Variants in LIMK2 observed in about 807,000 individuals in gnomAD.
LIMK2 encodes the protein LIM domain kinase 2.
A neutral mutation model predicts 75.7 loss-of-function variants in LIMK2; 35 were observed. That is an observed-to-expected ratio of 0.46 (90% confidence interval 0.35 to 0.61). LIMK2 has a LOEUF of 0.61. Ranked by LOEUF, LIMK2 falls within the 20% of genes least tolerant of loss-of-function variation. The probability of loss-of-function intolerance (pLI) is 0.00; values close to 1 mark genes in which losing one functional copy is unlikely to be tolerated. For synonymous variants in LIMK2, 301 were observed against 319.2 expected, an observed-to-expected ratio of 0.94 and a Z score of 0.61; for missense variants, 623 against 831.0, an observed-to-expected ratio of 0.75 and a Z score of 3.08.
At position 31,273,246 on chromosome 22, in the gene LIMK2, T is replaced by C. The variant is rs537080006; in HGVS notation, c.1559-206T>C. On this transcript the variant is annotated intron_variant, in intron 13 of 15. Transcript: ENST00000331728. ...CGTGCAGTTTCATCCTAGGCAGTGT[T>C]ATGTTATAAGGGCTCTCCAAGGCAG... is the stretch of plus-strand genomic sequence containing the variant. Among the ~76,000 whole-genome samples, 31 of 152,274 alleles carry C rather than the reference T, an allele frequency of 2.0e-4. 2 individuals carry two copies. The highest frequency in any genetic ancestry group is 3.4e-3 in the Middle Eastern group (1 of 294).
At chr22:31,257,725 G>A (rs1056061452) in intron 2 of LIMK2, among the ~76,000 whole-genome samples, 2 of 151,990 alleles carry the variant, frequency 1.3e-5, no homozygotes, top group South Asian at 2.1e-4. Flanking sequence ...AGTCAAGACC[G>A]GTTATTCTTA....
rs569488799 is a variant in LIMK2 at position 31,215,771 on chromosome 22, A to G, written c.16+3347A>G. ...GATTGCGCCTGTGAAAAGCCACCGC[A>G]CTCCAGCCTGGGCTACATAGCAAGA... On this transcript the variant is annotated intron_variant, in intron 1 of 15. Transcript: ENST00000331728. Among the ~76,000 whole-genome samples the G allele has an allele frequency of 2.0e-5, 3 of 152,272 alleles. No homozygotes were observed. The South Asian group carries it at 6.2e-4, about 32-fold the overall frequency.
intron 2 of LIMK2, among the ~76,000 whole-genome samples, chr22:31,227,037 G>A (rs903073934): frequency 1.3e-5 from 2 of 152,238 alleles, no homozygotes; most frequent in African/African-American, 4.8e-5. Flanking sequence ...ATCTTGTTGA[G>A]ATTGAATGAA....
chr22:31,254,143 T>C (rs1174643495), intron 2 of LIMK2, among the ~76,000 whole-genome samples: 1 of 152,234 alleles, frequency 6.6e-6, no homozygotes, highest in African/African-American at 2.4e-5. Flanking sequence ...CTGGCCTGGC[T>C]GTCTCCTGCA....
chr22:31,275,103 C>A (rs377628153), intron 14 of LIMK2, 48 bp from the exon 15 acceptor site: 40 of 1,583,732 alleles, frequency 2.5e-5, no homozygotes, highest in Non-Finnish European at 3.5e-5. Context: ...TGCCAAGTAT[C>A]TGTGGCCTCT....
At chr22:31,228,685 C>G (rs1046844163) in intron 2 of LIMK2, among the ~76,000 whole-genome samples, 1 of 152,270 alleles carries the variant, frequency 6.6e-6, no homozygotes, top group East Asian at 1.9e-4. Flanking sequence ...GTAATCCTAG[C>G]ACTCTGGGAG....
At chr22:31,213,790 T>G (rs1249476087) in intron 1 of LIMK2, among the ~76,000 whole-genome samples, 1 of 150,150 alleles carries the variant, frequency 6.7e-6, no homozygotes, top group Non-Finnish European at 1.5e-5. Flanking sequence ...GCTTACAGAG[T>G]CCTTCAACTC....
intron 5 of LIMK2, among the ~76,000 whole-genome samples, chr22:31,261,718 A>G (rs1485992146): frequency 6.6e-6 from 1 of 152,204 alleles, no homozygotes. Context: ...CAGTGAGCCC[A>G]GATCATGCCA....
chr22:31,271,097 T>TTGC, intron 11 of LIMK2, 39 bp from the exon 12 acceptor site: 1 of 1,577,960 alleles, frequency 6.3e-7, no homozygotes, highest in Non-Finnish European at 8.7e-7. Flanking sequence ...TCTAGTTGAT[T>TTGC]TGCTGGCCCT....
rs117998814 is a variant in LIMK2 at position 31,215,987 on chromosome 22, C to A, written c.16+3563C>A. On this transcript the variant is annotated intron_variant, in intron 1 of 15. Transcript: ENST00000331728. ...GGGATACAGCAAGGAACAAGATAGA[C>A]CAAATCCCTTCCCTCATGTAGTGTA... Among the ~76,000 whole-genome samples, 99 of 152,286 alleles carry A rather than the reference C, an allele frequency of 6.5e-4. No individual in the cohort carries two copies. The East Asian group carries it at 0.014, about 22-fold the overall frequency.
At chr22:31,248,048 CTT>C (rs558208756) in intron 2 of LIMK2, among the ~76,000 whole-genome samples, 1 of 145,396 alleles carries the variant, frequency 6.9e-6, no homozygotes. Flanking sequence ...GCATCCTCTG[CTT>C]TTTTTTTTTT....
At chr22:31,250,946 C>G (rs910281248) in intron 2 of LIMK2, among the ~76,000 whole-genome samples, 6 of 152,122 alleles carry the variant, frequency 3.9e-5, no homozygotes, top group Non-Finnish European at 8.8e-5. Context: ...AGGAAAGTGA[C>G]GCAACCAGAT....
rs1202218591 is a variant in LIMK2, at chr22:31,267,776, G to A, written c.1129G>A (p.Val377Met). The change falls in exon 10 of 16, where the codon GTG becomes ATG. Residue 377 changes from valine to methionine, a missense_variant and splice_region_variant. Coordinates refer to ENST00000331728, the MANE Select transcript of LIMK2 (RefSeq NM_005569.4). The stretch of plus-strand genomic sequence containing the variant: ...TTTCCTTGGCTTCCCCCACCCCCAG[G>A]TGAAAGTGATGCGCAGCCTGGACCA... ...EETQKTFLTEVKVMRSLDHPN... is the reference protein window; with the variant it reads ...EETQKTFLTEMKVMRSLDHPN... The A allele has an allele frequency of 1.3e-6, 2 of 1,590,028 alleles. No homozygotes were observed. Among genetic ancestry groups the A allele is most frequent in the African/African-American group, 1.4e-5 (1 of 73,544 alleles).
intron 2 of LIMK2, among the ~76,000 whole-genome samples, chr22:31,258,086 G>T (rs2048802316): frequency 2.0e-5 from 3 of 152,192 alleles, no homozygotes; most frequent in Admixed American, 2.0e-4. Context: ...CACTGAGGCA[G>T]GCAACACAGA....
chr22:31,222,313 C>T lies in LIMK2; in HGVS notation c.17-3407C>T, dbSNP rs894970555. On this transcript the variant is annotated intron_variant, in intron 1 of 15. Transcript: ENST00000331728. The stretch of plus-strand genomic sequence containing the variant: ...CTCAAATTCCCGACCTCAGGTGATC[C>T]ACCCGCCTCAGCCTCCCAAAGTACT... Among the ~76,000 whole-genome samples, 16 of 151,146 alleles carry T rather than the reference C, an allele frequency of 1.1e-4. No individual in the cohort carries two copies. The South Asian group carries it at 3.3e-3, about 31-fold the overall frequency.
At position 31,278,761 on chromosome 22, in the gene LIMK2, T is replaced by C; in HGVS notation, c.*320T>C. ...ACCCAGGAACTCCCTGGCAGTGGATTGTGGGAGGCTCTTGCTTACACTAAT... is the reference window on the plus strand; with the variant it reads ...ACCCAGGAACTCCCTGGCAGTGGATCGTGGGAGGCTCTTGCTTACACTAAT... On this transcript the variant is annotated 3_prime_UTR_variant, in exon 16 of 16. Coordinates refer to ENST00000331728, the MANE Select transcript of LIMK2 (RefSeq NM_005569.4). 1 of 208,780 alleles carries C rather than the reference T, an allele frequency of 4.8e-6. No individual in the cohort carries two copies. The highest frequency in any genetic ancestry group is 2.3e-5 in the African/African-American group (1 of 43,550). The allele number at this position is 208,780 out of a possible 1,614,324, so 12.9% of individuals were successfully genotyped here. A position where few individuals can be genotyped will look rare whatever the true frequency, so the allele number is the denominator to read the frequency against.
At chr22:31,231,946 A>G (rs2048532703) in intron 2 of LIMK2, among the ~76,000 whole-genome samples, 2 of 152,068 alleles carry the variant, frequency 1.3e-5, no homozygotes, top group Non-Finnish European at 2.9e-5. Flanking sequence ...CCTTGCAAGC[A>G]GCTTGGACTA....
chr22:31,238,019 G>A (rs1023744924), intron 2 of LIMK2, among the ~76,000 whole-genome samples: 2 of 150,984 alleles, frequency 1.3e-5, no homozygotes, highest in African/African-American at 4.9e-5. Flanking sequence ...GGAGGCCGAG[G>A]CAGGAGAATT....
At position 31,259,879 on chromosome 22, in the gene LIMK2, C is replaced by G. The variant is rs760233816; in HGVS notation, c.363-10C>G. 4 of 1,599,976 alleles carry G rather than the reference C, an allele frequency of 2.5e-6. No individual in the cohort carries two copies. The highest frequency in any genetic ancestry group is 2.7e-5 in the African/African-American group (2 of 74,056). ...CTAGCATCTTATTCCCCCCTGTGCCCTCTCCCCAGTGGGAAGTGCCACAAT... is the reference window on the plus strand; with the variant it reads ...CTAGCATCTTATTCCCCCCTGTGCCGTCTCCCCAGTGGGAAGTGCCACAAT... On this transcript the variant is annotated splice_polypyrimidine_tract_variant and intron_variant, in intron 4 of 15. Coordinates refer to ENST00000331728, the MANE Select transcript of LIMK2 (RefSeq NM_005569.4).
Sources: gnomAD v4.1 joint callset for allele counts (sites outside exome capture counted in the v4.1 genomes callset) on GRCh38, gnomAD v4.1.1 for gene constraint, MANE v1.5 for transcripts, NCBI Gene and HGNC (gene_info 2026-07-23, HGNC 2026-07-21) for gene names.